CHPT1: variants seen among roughly 807,000 people sequenced by gnomAD.
CHPT1 encodes cholinephosphotransferase 1.
A neutral mutation model predicts 47.6 loss-of-function variants in CHPT1; 36 were observed. The observed-to-expected ratio is 0.76, with a 90% CI of 0.58 to 1.00. The LOEUF (loss-of-function observed/expected upper bound fraction) is 1.00, where lower values mean the gene tolerates loss of function less well. Among genes scored for constraint, CHPT1 ranks in the 50% least tolerant of loss-of-function variants. The pLI is 0.00. For missense variants in CHPT1, 458 were observed against 498.1 expected (o/e 0.92, Z 0.77); for synonymous variants, 194 against 186.3 (o/e 1.04, Z -0.33).
chr12:101,720,963 A>G (rs1444060978), intron 5 of CHPT1, among the ~76,000 whole-genome samples: 1 of 152,210 alleles, frequency 6.6e-6, no homozygotes, highest in Admixed American at 6.5e-5. Context: ...CAGTGATACC[A>G]TCTTATACCA....
At chr12:101,707,395 C>A (rs959288668) in intron 1 of CHPT1, among the ~76,000 whole-genome samples, 2 of 152,130 alleles carry the variant, frequency 1.3e-5, no homozygotes, top group African/African-American at 4.8e-5. Context: ...TTAGGAGTGG[C>A]CAGAAGAGCT....
At chr12:101,721,824 G>A (rs1951855573) in intron 5 of CHPT1, among the ~76,000 whole-genome samples, 3 of 152,124 alleles carry the variant, frequency 2.0e-5, no homozygotes, top group South Asian at 4.1e-4. Flanking sequence ...ACTTTGGGAG[G>A]CCGAGGCGGG....
At chr12:101,720,035 G>T (rs1951826443) in intron 4 of CHPT1, 88 bp from the exon 5 acceptor site, 1 of 836,536 alleles carries the variant, frequency 1.2e-6, no homozygotes, top group Admixed American at 3.0e-5. Context: ...ATAGCTTATT[G>T]TACAGGGCTT....
chr12:101,726,188 G>A, intron 7 of CHPT1, 106 bp from the exon 8 acceptor site: 2 of 732,716 alleles, frequency 2.7e-6, no homozygotes, highest in Non-Finnish European at 4.5e-6. Context: ...TATTTTTGGT[G>A]AAGAATTTTA....
intron 4 of CHPT1, chr12:101,717,360 C>T (rs1951779440): frequency 2.2e-6 from 1 of 450,742 alleles, no homozygotes; most frequent in African/African-American, 2.0e-5. Flanking sequence ...AAAAGAAGAA[C>T]ATTTCTGAAG....
chr12:101,720,100 GTTTC>G lies in CHPT1; in HGVS notation c.649-16_649-13del, dbSNP rs780002109. 42 of 1,545,690 alleles carry G rather than the reference GTTTC, an allele frequency of 2.7e-5. No homozygotes were observed. The highest frequency in any genetic ancestry group is 3.2e-5 in the Non-Finnish European group (37 of 1,145,762). On this transcript the variant is annotated intron_variant, in intron 4 of 8. Coordinates refer to ENST00000229266, the MANE Select transcript of CHPT1 (RefSeq NM_020244.3). ...AAACCAAAATTCTGTTGTCTTAATT[GTTTC>G]TTTCTTCTACCCCTAAAGATTCCTA...
At chr12:101,727,638 G>A (rs1208885774) in intron 8 of CHPT1, 1 of 152,084 alleles carries the variant, frequency 6.6e-6, no homozygotes, top group African/African-American at 2.4e-5. Flanking sequence ...AAACACTGGA[G>A]TACTTATTTT....
chr12:101,700,507 A>G (rs923250243), intron 1 of CHPT1, among the ~76,000 whole-genome samples: 2 of 152,232 alleles, frequency 1.3e-5, no homozygotes, highest in Non-Finnish European at 2.9e-5. Flanking sequence ...TACAGGATCC[A>G]CATTGCTTGT....
Position 101,723,285 on chromosome 12 carries a change from A to G in CHPT1, c.898A>G (p.Met300Val). Residue 300 changes from methionine to valine, a missense_variant, in exon 6 of 9, where the codon ATG (methionine) becomes GTG (valine). Met to Val is a conservative substitution (Grantham distance 21, BLOSUM62 1). Coordinates refer to ENST00000229266, the MANE Select transcript of CHPT1 (RefSeq NM_020244.3). ...FEKHPCLYILMFGCVFAKVSQ... is the reference protein window; with the variant it reads ...FEKHPCLYILVFGCVFAKVSQ... ...AAAGCATCCTTGTCTTTATATCCTA[A>G]TGTTTGGATGTGTCTTTGCTAAAGT... 3.1e-6 allele frequency: 5 copies of G among 1,610,604 alleles called. No individual in the cohort carries two copies. Among genetic ancestry groups the G allele is most frequent in the Non-Finnish European group, 4.2e-6 (5 of 1,178,154 alleles).
chr12:101,698,232 C>T, intron 1 of CHPT1, 98 bp downstream of exon 1: 1 of 1,340,374 alleles, frequency 7.5e-7, no homozygotes, highest in South Asian at 1.8e-5. Flanking sequence ...GGCTGAGCCT[C>T]TCCCGGGCCC....
chr12:101,716,484 T>G (rs1951764990), intron 3 of CHPT1, among the ~76,000 whole-genome samples: 1 of 152,182 alleles, frequency 6.6e-6, no homozygotes, highest in South Asian at 2.1e-4. Context: ...TATTAGCAAT[T>G]TGATATATGG....
chr12:101,702,881 C>T (rs909875023), intron 1 of CHPT1, among the ~76,000 whole-genome samples: 2 of 152,068 alleles, frequency 1.3e-5, no homozygotes, highest in Non-Finnish European at 2.9e-5. Context: ...TTAAGGAGGC[C>T]TTTGCAGGAC....
chr12:101,710,268 C>T lies in CHPT1; in HGVS notation c.274-3822C>T, dbSNP rs1352342971. On this transcript the variant is annotated intron_variant, in intron 1 of 8. Coordinates refer to ENST00000229266, the MANE Select transcript of CHPT1 (RefSeq NM_020244.3). ...AGGTTGAGGGGGAGGATCACTTGGG[C>T]CTGGGAGGCGGATGTTGCAGTGAGC... Among the ~76,000 whole-genome samples the T allele has an allele frequency of 1.3e-5, 2 of 148,866 alleles. 1 individual carries two copies. The highest frequency in any genetic ancestry group is 4.9e-5 in the African/African-American group (2 of 41,110).
chr12:101,726,260 A>C, intron 7 of CHPT1, 34 bp from the exon 8 acceptor site: 20 of 1,347,394 alleles, frequency 1.5e-5, no homozygotes, highest in Non-Finnish European at 2.1e-5. Flanking sequence ...GATAGATCAT[A>C]ATCGATTTTA....
chr12:101,728,659 C>T (rs1408785530), intron 8 of CHPT1: 3 of 410,972 alleles, frequency 7.3e-6, no homozygotes, highest in Non-Finnish European at 1.3e-5. Context: ...AAAATTAAAT[C>T]GTCTTTATTT....
intron 5 of CHPT1, 109 bp from the exon 6 acceptor site, chr12:101,723,059 A>C: frequency 1.0e-6 from 1 of 972,618 alleles, no homozygotes. Flanking sequence ...CATACACTAC[A>C]TCACACTGTT....
rs764728188 is a variant in CHPT1 at position 101,716,795 on chromosome 12, A to G, written c.631A>G (p.Thr211Ala). The G allele has an allele frequency of 3.1e-6, 5 of 1,599,098 alleles. No homozygotes were observed. In the South Asian group the frequency reaches 5.6e-5, roughly 18 times the overall value. The change falls in exon 4 of 9, where the codon ACA becomes GCA. Residue 211 changes from threonine to alanine, a missense_variant. Physicochemically the swap from Thr to Ala is moderately conservative, Grantham distance 58. Coordinates refer to ENST00000229266, the MANE Select transcript of CHPT1 (RefSeq NM_020244.3). The part of the protein sequence containing the change: ...VFVLSAFGGA[T>A]MWDYTIPILE... ...TGTGTTGTCTGCATTTGGAGGAGCA[A>G]CAATGTGGGACTATACGGTAAATCT...
At chr12:101,716,834 T>C (rs1951769908) in intron 4 of CHPT1, 22 bp downstream of exon 4, 1 of 1,375,952 alleles carries the variant, frequency 7.3e-7, no homozygotes, top group South Asian at 1.3e-5. Context: ...TATTTAAATT[T>C]ATATTTAAGT....
At position 101,728,956 on chromosome 12, in the gene CHPT1, G is replaced by A. The variant is rs763365723; in HGVS notation, c.*11G>A. ...AATAACATGGATTGAAGAGACTTCC[G>A]AACACTTGCTATCTCTTGCTGCTGC... On this transcript the variant is annotated 3_prime_UTR_variant, in exon 9 of 9. Transcript: ENST00000229266. 4.3e-6 allele frequency: 7 copies of A among 1,613,454 alleles called. No individual in the cohort carries two copies. Among genetic ancestry groups the A allele is most frequent in the East Asian group, 4.5e-5 (2 of 44,732 alleles).
Sources: gnomAD v4.1 joint callset for allele counts (sites outside exome capture counted in the v4.1 genomes callset) on GRCh38, gnomAD v4.1.1 for gene constraint, MANE v1.5 for transcripts, NCBI Gene and HGNC (gene_info 2026-07-23, HGNC 2026-07-21) for gene names.